Variants in NUAK2 observed in about 807,000 individuals in gnomAD.
NUAK2 encodes the protein NUAK family kinase 2.
A neutral mutation model predicts 29.8 loss-of-function variants in NUAK2; 20 were observed. The observed-to-expected ratio is 0.67, with a 90% CI of 0.47 to 0.98. NUAK2 has a LOEUF of 0.98. NUAK2 is among the 50% of genes least tolerant of loss of function. The pLI is 0.00. For missense variants in NUAK2, 719 were observed against 834.5 expected, an observed-to-expected ratio of 0.86 and a Z score of 1.71; for synonymous variants, 331 against 342.6, an observed-to-expected ratio of 0.97 and a Z score of 0.37.
chr1:205,309,474 G>A (rs1662226373), intron 2 of NUAK2, among the ~76,000 whole-genome samples: 1 of 152,042 alleles, frequency 6.6e-6, no homozygotes. Context: ...TTAAAGGTGC[G>A]CGCCACCATG....
In NUAK2 at chr1:205,308,615, CG is replaced by C; in HGVS notation, c.469del (p.Arg157GlyfsTer102). 1 of 1,614,058 alleles carries C rather than the reference CG, an allele frequency of 6.2e-7. No homozygotes were observed. Among genetic ancestry groups the C allele is most frequent in the Non-Finnish European group, 8.5e-7 (1 of 1,179,998 alleles). On this transcript the variant is annotated frameshift_variant, in exon 3 of 7. Transcript: ENST00000367157. LOFTEE classifies it high-confidence loss of function. This position sits in a 1 kb window ranked among gnomAD's most constrained non-coding sequence, Gnocchi z 4.1. ...LSEREARHFF[R>X]QIVSAVHYCH... Reference sequence around the variant, plus strand: ...ATAGTGCACGGCAGAGACGATCTGCCGGAAGAAATGCCTAGCTTCGCGCTCA... The same window carrying C: ...ATAGTGCACGGCAGAGACGATCTGCCGAAGAAATGCCTAGCTTCGCGCTCA...
chr1:205,308,717 C>T lies in NUAK2; in HGVS notation c.368G>A (p.Ser123Asn). The T allele has an allele frequency of 1.2e-6, 2 of 1,614,080 alleles. No individual in the cohort carries two copies. The highest frequency in any genetic ancestry group is 1.7e-5 in the Admixed American group (1 of 60,018). ...ATACTCCATGACGATCACGATCTTG[C>T]TGCTGTTCTCAAACACTGGGCAGAG... is the stretch of plus-strand genomic sequence containing the variant. ...IAIHEVFENS[S>N]KIVIVMEYAS... The change falls in exon 3 of 7, where the codon AGC becomes AAC. Residue 123 changes from serine (S) to asparagine (N), a missense_variant. Physicochemically the swap from Ser to Asn is conservative, Grantham distance 46. This residue lies in a region of NUAK2 where 283 missense variants were observed against 345.6 expected (regional missense o/e 0.82). Coordinates refer to ENST00000367157, the MANE Select transcript of NUAK2 (RefSeq NM_030952.3). The surrounding 1 kb of genome is among the most constrained non-coding windows in gnomAD (Gnocchi z 4.1).
chr1:205,313,526 C>T (rs1334958141), intron 1 of NUAK2, among the ~76,000 whole-genome samples: 2 of 152,208 alleles, frequency 1.3e-5, no homozygotes, highest in African/African-American at 4.8e-5. Context: ...CTGCTCCACC[C>T]TCCTCAGCAG....
Position 205,321,694 on chromosome 1 carries a change from G to C in NUAK2, c.-66C>G. On this transcript the variant is annotated 5_prime_UTR_variant, in exon 1 of 7. Transcript: ENST00000367157. Reference sequence around the variant, plus strand: ...GGCTGTGCGGGGAGGGCTGAAGCGCGGGGCACAGGTCCCGCACCAGGACGG... The same window carrying C: ...GGCTGTGCGGGGAGGGCTGAAGCGCCGGGCACAGGTCCCGCACCAGGACGG... 2 of 1,325,910 alleles carry C rather than the reference G, an allele frequency of 1.5e-6. No homozygotes were observed. Among genetic ancestry groups the C allele is most frequent in the Non-Finnish European group, 1.0e-6 (1 of 955,630 alleles). The allele number at this position is 1,325,910 out of a possible 1,614,324, so 82.1% of individuals were successfully genotyped here. A position where few individuals can be genotyped will look rare whatever the true frequency, so the allele number is the denominator to read the frequency against.
intron 6 of NUAK2, 28 bp downstream of exon 6, chr1:205,305,171 G>T (rs776679726): frequency 6.2e-7 from 1 of 1,609,732 alleles, no homozygotes; most frequent in South Asian, 1.1e-5. Context: ...CCCAGGCCTG[G>T]ATAAGAACGC....
Position 205,306,265 on chromosome 1 carries a change from A to C in NUAK2, c.613T>G (p.Phe205Val). 1 of 1,613,938 alleles carries C rather than the reference A, an allele frequency of 6.2e-7. No homozygotes were observed. Among genetic ancestry groups the C allele is most frequent in the Non-Finnish European group, 8.5e-7 (1 of 1,179,918 alleles). ...GLSNLYHQGKFLQTFCGSPLY... is the reference protein window; with the variant it reads ...GLSNLYHQGKVLQTFCGSPLY... Reference sequence around the variant, plus strand: ...GGGCTCCCACAGAATGTCTGCAGGAACTTGCCTTGATGGTAGAGGTTGGAG... The same window carrying C: ...GGGCTCCCACAGAATGTCTGCAGGACCTTGCCTTGATGGTAGAGGTTGGAG... The change falls in exon 5 of 7, where the codon TTC becomes GTC. Residue 205 changes from phenylalanine to valine, a missense_variant. Around this residue, in one of 3 missense-constraint regions of NUAK2, gnomAD observed 283 missense variants for 345.6 expected, o/e 0.82. Coordinates refer to ENST00000367157, the MANE Select transcript of NUAK2 (RefSeq NM_030952.3).
chr1:205,311,608 CTTT>C (rs1662258256), intron 2 of NUAK2, 94 bp downstream of exon 2: 21 of 1,501,780 alleles, frequency 1.4e-5, no homozygotes, highest in Non-Finnish European at 1.6e-5. Context: ...TTTTTTACTT[CTTT>C]ATGTTGTTTC....
Position 205,304,094 on chromosome 1 carries a change from CCTT to C in NUAK2, c.1240_1242del (p.Lys414del), listed in dbSNP as rs756865596. The stretch of plus-strand genomic sequence containing the variant: ...TGTACCCCTTCTGCAGAGGCTGACA[CCTT>C]CTTCTTGAGAATGCCCTTTGGCAGC... On this transcript the variant is annotated inframe_deletion, in exon 7 of 7. Coordinates refer to ENST00000367157, the MANE Select transcript of NUAK2 (RefSeq NM_030952.3). This position sits in a 1 kb window ranked among gnomAD's most constrained non-coding sequence, Gnocchi z 6.5. 4.3e-6 allele frequency: 7 copies of C among 1,614,078 alleles called. No homozygotes were observed. Among genetic ancestry groups the C allele is most frequent in the East Asian group, 2.2e-5 (1 of 44,884 alleles).
In NUAK2 at chr1:205,320,724, G is replaced by T. The variant is rs575859861; in HGVS notation, c.231+674C>A. ...GAAATTGCCCAAGGTCACACAGACTGCTAGACTCCTACGCTCGCACCAAAG... is the reference window on the plus strand; with the variant it reads ...GAAATTGCCCAAGGTCACACAGACTTCTAGACTCCTACGCTCGCACCAAAG... On this transcript the variant is annotated intron_variant, in intron 1 of 6. Transcript: ENST00000367157. 5.3e-5 allele frequency among the ~76,000 whole-genome samples: 8 copies of T among 152,308 alleles called. No individual in the cohort carries two copies. In the South Asian group the frequency reaches 1.7e-3, roughly 32 times the overall value.
At chr1:205,306,865 G>A (rs1243828469) in intron 4 of NUAK2, among the ~76,000 whole-genome samples, 1 of 152,212 alleles carries the variant, frequency 6.6e-6, no homozygotes, top group Non-Finnish European at 1.5e-5. Context: ...ATGGCCCTCA[G>A]GAACAAGCAA....
At position 205,303,783 on chromosome 1, in the gene NUAK2, G is replaced by A. The variant is rs779788382; in HGVS notation, c.1554C>T (p.Pro518=). ...GTTCATCCAGGGAGCCGAAGGTGGT[G>A]GGGGCCGCGAGCTCCAAGGCTGTCT... is the stretch of plus-strand genomic sequence containing the variant. ...FSQTALELAA[P]TTFGSLDELA... is the part of the protein sequence containing the mutation. Residue 518 remains proline (P), a synonymous_variant, in exon 7 of 7, where the codon CCC becomes CCT. Transcript: ENST00000367157. 4.7e-5 allele frequency: 74 copies of A among 1,560,178 alleles called. 2 individuals carry two copies. In the East Asian group the frequency reaches 1.7e-3, roughly 35 times the overall value.
Position 205,308,125 on chromosome 1 carries a change from G to T in NUAK2, c.570+40C>A, listed in dbSNP as rs1662206558. 2.9e-6 allele frequency: 4 copies of T among 1,397,412 alleles called. No individual in the cohort carries two copies. Among genetic ancestry groups the T allele is most frequent in the Non-Finnish European group, 4.0e-6 (4 of 989,142 alleles). 86.6% of individuals were successfully genotyped at this position (1,397,412 alleles called of 1,614,324 possible). ...CTGGGGACAGTGCAGAAAAGCTGGG[G>T]TGGGCAAGGAGGCTTCTAGAAATAA... On this transcript the variant is annotated intron_variant, in intron 4 of 6. Coordinates refer to ENST00000367157, the MANE Select transcript of NUAK2 (RefSeq NM_030952.3). This position sits in a 1 kb window ranked among gnomAD's most constrained non-coding sequence, Gnocchi z 4.1.
Position 205,321,675 on chromosome 1 carries a change from G to T in NUAK2, c.-47C>A. Reference sequence around the variant, plus strand: ...GGCGGCAGGGGAATCAGTAGGCTGTGCGGGGAGGGCTGAAGCGCGGGGCAC... The same window carrying T: ...GGCGGCAGGGGAATCAGTAGGCTGTTCGGGGAGGGCTGAAGCGCGGGGCAC... On this transcript the variant is annotated 5_prime_UTR_variant, in exon 1 of 7. Coordinates refer to ENST00000367157, the MANE Select transcript of NUAK2 (RefSeq NM_030952.3). 6.6e-7 allele frequency: 1 copy of T among 1,513,062 alleles called. No individual in the cohort carries two copies. The allele number at this position is 1,513,062 out of a possible 1,614,324, so 93.7% of individuals were successfully genotyped here. A position where few individuals can be genotyped will look rare whatever the true frequency, so the allele number is the denominator to read the frequency against.
chr1:205,314,171 G>A (rs527610671), intron 1 of NUAK2, among the ~76,000 whole-genome samples: 26 of 152,326 alleles, frequency 1.7e-4, no homozygotes, highest in African/African-American at 6.0e-4. Context: ...GCCCTGGCCC[G>A]GTCACCCCGG....
rs1662260939 is a variant in NUAK2 at position 205,311,780 on chromosome 1, C to T, written c.277G>A (p.Asp93Asn). Residue 93 changes from aspartate (D) to asparagine (N), a missense_variant, in exon 2 of 7, where the codon GAT becomes AAT. Physicochemically the swap from Asp to Asn is conservative, Grantham distance 23. Around this residue, in one of 3 missense-constraint regions of NUAK2, gnomAD observed 283 missense variants for 345.6 expected, o/e 0.82. Transcript: ENST00000367157. ...ATCTCCCTCCGTATGTGCATCAGATCTTGCTCATCTTTGATTTTGTCCTTC... is the reference window on the plus strand; with the variant it reads ...ATCTCCCTCCGTATGTGCATCAGATTTTGCTCATCTTTGATTTTGTCCTTC... ...IRKDKIKDEQ[D>N]LMHIRREIEI... is the part of the protein sequence containing the mutation. The T allele has an allele frequency of 3.1e-6, 5 of 1,614,158 alleles. No homozygotes were observed.
At chr1:205,305,659 C>G in intron 5 of NUAK2, 1 of 277,596 alleles carries the variant, frequency 3.6e-6, no homozygotes, top group Non-Finnish European at 5.5e-6. Context: ...AGGCAAAGAA[C>G]TAACCTAGGA....
In NUAK2 at chr1:205,321,640, G is replaced by A. The variant is rs1478509364; in HGVS notation, c.-12C>T. The A allele has an allele frequency of 6.9e-6, 11 of 1,602,812 alleles. No homozygotes were observed. The highest frequency in any genetic ancestry group is 8.5e-6 in the Non-Finnish European group (10 of 1,177,334). ...ACCAGCGACTCCATGGCGAGCAGGA[G>A]GTGAGCAAGGGCGGCAGGGGAATCA... On this transcript the variant is annotated 5_prime_UTR_variant, in exon 1 of 7. Transcript: ENST00000367157.
chr1:205,313,717 C>T (rs1414955265), intron 1 of NUAK2, among the ~76,000 whole-genome samples: 1 of 151,616 alleles, frequency 6.6e-6, no homozygotes, highest in Non-Finnish European at 1.5e-5. Context: ...ATCTGAGGGG[C>T]TTTCCTGCTC....
At chr1:205,310,316 C>CGGGA (rs1662240101) in intron 2 of NUAK2, among the ~76,000 whole-genome samples, 1 of 152,156 alleles carries the variant, frequency 6.6e-6, no homozygotes, top group Non-Finnish European at 1.5e-5. Flanking sequence ...GCCATAAAAT[C>CGGGA]GGGAGTCAAA....
Sources: allele counts gnomAD v4.1 joint callset (sites outside exome capture counted in the v4.1 genomes callset), GRCh38; gene constraint gnomAD v4.1.1; regional missense constraint gnomAD v4.1.1; non-coding constraint Gnocchi (gnomAD v3.1); transcripts MANE v1.5; gene names NCBI Gene and HGNC (gene_info 2026-07-23, HGNC 2026-07-21).